Variants in DHX30 observed in about 807,000 individuals in gnomAD.
DHX30 encodes the protein DExH-box helicase 30, also known as ATP-dependent RNA helicase DHX30.
In DHX30, 4 loss-of-function variants were observed where a neutral mutation model predicts 116.9. The ratio of observed to expected loss-of-function variants is 0.03; its 90% CI spans 0.02 to 0.08. DHX30 has a LOEUF of 0.08. Ranked by LOEUF, DHX30 falls within the 10% of genes least tolerant of loss-of-function variation. The probability of loss-of-function intolerance (pLI) is 1.00; values close to 1 mark genes in which losing one functional copy is unlikely to be tolerated. For synonymous variants in DHX30, 697 were observed against 651.7 expected (o/e 1.07, Z -1.06); for missense variants, 871 against 1,595.1 (o/e 0.55, Z 7.73).
chr3:47,845,245 C>T (rs573789877), intron 9 of DHX30, among the ~76,000 whole-genome samples: 3 of 152,176 alleles, frequency 2.0e-5, no homozygotes, highest in Admixed American at 6.5e-5. Flanking sequence ...TGGAGTGCAC[C>T]GTCATGATCT....
rs751689647 is a variant in DHX30 at position 47,846,396 on chromosome 3, A to C, written c.1324A>C (p.Thr442Pro). The change falls in exon 11 of 22, where the codon ACC becomes CCC. Residue 442 changes from threonine to proline, a missense_variant. Thr to Pro is a conservative substitution (Grantham distance 38). This residue lies in a region of DHX30 where 175 missense variants were observed against 292.9 expected (regional missense o/e 0.60). Coordinates refer to ENST00000445061, the MANE Select transcript of DHX30 (RefSeq NM_138615.3). ...PQLPVDPHRD[T>P]ILNAIEQHPV... ...GCTACCTGTGGACCCACATCGGGAC[A>C]CCATCCTCAACGCCATTGAGCAGCA... is the stretch of plus-strand genomic sequence containing the variant. 1.2e-6 allele frequency: 2 copies of C among 1,614,080 alleles called. No individual in the cohort carries two copies.
chr3:47,849,757 G>C lies in DHX30; in HGVS notation c.3319G>C (p.Val1107Leu), dbSNP rs755951283. ...LAVLLLTDGD[V>L]HIRDDGRRAT... Reference sequence around the variant, plus strand: ...TGTGCTGCTGCTGACCGACGGGGACGTGCACATCCGTGGTGGGTGCCTGCA... The same window carrying C: ...TGTGCTGCTGCTGACCGACGGGGACCTGCACATCCGTGGTGGGTGCCTGCA... Residue 1107 changes from valine to leucine, a missense_variant, in exon 21 of 22, where the codon GTG (valine) becomes CTG (leucine). Physicochemically the swap from Val to Leu is conservative, Grantham distance 32 (BLOSUM62 1). Coordinates refer to ENST00000445061, the MANE Select transcript of DHX30 (RefSeq NM_138615.3). 1.2e-6 allele frequency: 2 copies of C among 1,613,008 alleles called. No individual in the cohort carries two copies. Among genetic ancestry groups the C allele is most frequent in the South Asian group, 2.2e-5 (2 of 90,932 alleles).
At chr3:47,814,928 T>C (rs916629161) in intron 3 of DHX30, among the ~76,000 whole-genome samples, 22 of 151,946 alleles carry the variant, frequency 1.4e-4, no homozygotes, top group Non-Finnish European at 2.9e-4. Flanking sequence ...CTTCCTATGT[T>C]TCCCAGGCTG....
intron 4 of DHX30, among the ~76,000 whole-genome samples, chr3:47,821,403 A>G (rs1044264501): frequency 1.3e-5 from 2 of 151,850 alleles, no homozygotes; most frequent in Non-Finnish European, 2.9e-5. Context: ...GTACCGGGGA[A>G]TACAGGCATG....
intron 3 of DHX30, among the ~76,000 whole-genome samples, chr3:47,814,120 G>T (rs1413500437): frequency 6.6e-6 from 1 of 151,636 alleles, no homozygotes; most frequent in African/African-American, 2.4e-5. Context: ...GAGATGGAAA[G>T]CCCAATAAAA....
chr3:47,848,096 A>AG lies in DHX30; in HGVS notation c.2287-79dup. 6.3e-7 allele frequency: 1 copy of AG among 1,588,036 alleles called. No homozygotes were observed. Among genetic ancestry groups the AG allele is most frequent in the African/African-American group, 1.3e-5 (1 of 74,528 alleles). Reference sequence around the variant, plus strand: ...TGTGGGGTCTCAGTGTTCCTGATGTAGGGGGCTGGTGAGGGTTACTCAGGG... The same window carrying AG: ...TGTGGGGTCTCAGTGTTCCTGATGTAGGGGGGCTGGTGAGGGTTACTCAGGG... On this transcript the variant is annotated intron_variant, in intron 14 of 21. Coordinates refer to ENST00000445061, the MANE Select transcript of DHX30 (RefSeq NM_138615.3). This position sits in a 1 kb window ranked among gnomAD's most constrained non-coding sequence, Gnocchi z 9.4.
chr3:47,813,054 T>C (rs1388311901), intron 3 of DHX30, among the ~76,000 whole-genome samples: 1 of 150,760 alleles, frequency 6.6e-6, no homozygotes. Flanking sequence ...CTCTGGCAAG[T>C]CTTGCCGGGC....
intron 9 of DHX30, among the ~76,000 whole-genome samples, chr3:47,844,145 G>C (rs2037497913): frequency 1.3e-5 from 2 of 152,190 alleles, no homozygotes; most frequent in Admixed American, 1.3e-4. Flanking sequence ...AGATAGAAAT[G>C]GGCCTGCTTT....
Position 47,847,815 on chromosome 3 carries a change from C to T in DHX30, c.2145C>T (p.Ala715=), listed in dbSNP as rs780558581. ...ACATCCCCATGATGGATCAGAAGGC[C>T]ATATTCCAGCAGCCTCCAGTTGGGG... ...HSNIPMMDQK[A]IFQQPPVGVR... Residue 715 remains alanine (A), a synonymous_variant, in exon 14 of 22, where the codon GCC becomes GCT. Coordinates refer to ENST00000445061, the MANE Select transcript of DHX30 (RefSeq NM_138615.3). The surrounding 1 kb of genome is among the most constrained non-coding windows in gnomAD (Gnocchi z 5.5). 8.1e-6 allele frequency: 13 copies of T among 1,614,150 alleles called. No homozygotes were observed. The highest frequency in any genetic ancestry group is 1.1e-5 in the Non-Finnish European group (13 of 1,180,024).
chr3:47,830,030 A>G (rs2036769511), intron 6 of DHX30, among the ~76,000 whole-genome samples: 1 of 150,838 alleles, frequency 6.6e-6, no homozygotes, highest in Non-Finnish European at 1.5e-5. Flanking sequence ...TGGGGTTTCA[A>G]CTTGTTAGCC....
intron 5 of DHX30, 31 bp downstream of exon 5, chr3:47,827,508 G>A (rs754311256): frequency 1.3e-6 from 2 of 1,598,920 alleles, no homozygotes; most frequent in Non-Finnish European, 1.7e-6. Flanking sequence ...GAAAAACATT[G>A]GTATGACTCA....
intron 3 of DHX30, among the ~76,000 whole-genome samples, chr3:47,813,892 T>C (rs2035914022): frequency 7.4e-6 from 1 of 134,940 alleles, no homozygotes; most frequent in African/African-American, 2.8e-5. Context: ...CATCCTGGGC[T>C]TTTTTTTTTT....
At chr3:47,823,040 C>A (rs1474707123) in intron 4 of DHX30, among the ~76,000 whole-genome samples, 1 of 149,672 alleles carries the variant, frequency 6.7e-6, no homozygotes, top group African/African-American at 2.5e-5. Flanking sequence ...TTGCAGTGAG[C>A]CGAGATTGCA....
Position 47,818,014 on chromosome 3 carries a change from T to C in DHX30, c.29-8T>C, listed in dbSNP as rs779006308. 1.3e-6 allele frequency: 1 copy of C among 781,034 alleles called. No homozygotes were observed. Among genetic ancestry groups the C allele is most frequent in the Non-Finnish European group, 2.4e-6 (1 of 418,114 alleles). The allele number at this position is 781,034 out of a possible 1,614,324, so 48.4% of individuals were successfully genotyped here. ...CATGTCGCCCTGATGCCCTCTCTCT[T>C]TCCCCAGATCGGGCCCAGCACAGGC... On this transcript the variant is annotated splice_polypyrimidine_tract_variant and splice_region_variant and intron_variant, in intron 3 of 21. Transcript: ENST00000445061.
intron 6 of DHX30, among the ~76,000 whole-genome samples, chr3:47,838,018 G>T (rs1418062747): frequency 6.6e-6 from 1 of 152,194 alleles, no homozygotes; most frequent in African/African-American, 2.4e-5. Flanking sequence ...TAGTGAAAGA[G>T]TGGTTGCAAA....
chr3:47,807,821 C>T (rs533236029), intron 2 of DHX30, among the ~76,000 whole-genome samples: 1 of 151,812 alleles, frequency 6.6e-6, no homozygotes, highest in South Asian at 2.1e-4. Context: ...GTCTTGAACT[C>T]CTGGCCTCAA....
Position 47,816,323 on chromosome 3 carries a change from A to C in DHX30, c.29-1699A>C, listed in dbSNP as rs921478306. On this transcript the variant is annotated intron_variant, in intron 3 of 21. Coordinates refer to ENST00000445061, the MANE Select transcript of DHX30 (RefSeq NM_138615.3). Reference sequence around the variant, plus strand: ...CTACCTAGACAGGCAGCTCAGGGTGATGTGATGCTGCAAATGTACAAAGAG... The same window carrying C: ...CTACCTAGACAGGCAGCTCAGGGTGCTGTGATGCTGCAAATGTACAAAGAG... 6.2e-6 allele frequency: 6 copies of C among 974,624 alleles called. No homozygotes were observed. The African/African-American group carries it at 1.1e-4, about 18-fold the overall frequency. The allele number at this position is 974,624 out of a possible 1,614,324, so 60.4% of individuals were successfully genotyped here.
Position 47,850,111 on chromosome 3 carries a change from T to A in DHX30, c.3576T>A (p.Ala1192=). The A allele has an allele frequency of 6.3e-7, 1 of 1,589,904 alleles. No individual in the cohort carries two copies. Among genetic ancestry groups the A allele is most frequent in the South Asian group, 1.1e-5 (1 of 89,032 alleles). ...PCGSFDVRKT[A]DD ...GCAGCTTTGATGTGCGCAAGACAGC[T>A]GACGACTGAGCCCTGCTTCTGCTGG... Residue 1192 remains alanine (A), a synonymous_variant, in exon 22 of 22, where the codon GCT becomes GCA. Coordinates refer to ENST00000445061, the MANE Select transcript of DHX30 (RefSeq NM_138615.3).
intron 2 of DHX30, 114 bp downstream of exon 2, chr3:47,805,534 T>A: frequency 2.5e-6 from 1 of 395,332 alleles, no homozygotes; most frequent in Non-Finnish European, 4.5e-6. Context: ...AGGATATCAT[T>A]TATTTTATTT....
Sources: allele counts gnomAD v4.1 joint callset (sites outside exome capture counted in the v4.1 genomes callset), GRCh38; gene constraint gnomAD v4.1.1; regional missense constraint gnomAD v4.1.1; non-coding constraint Gnocchi (gnomAD v3.1); transcripts MANE v1.5; gene names NCBI Gene and HGNC (gene_info 2026-07-23, HGNC 2026-07-21).